Variants in TCP11X1 observed in about 807,000 individuals in gnomAD.
The protein encoded by TCP11X1 is t-complex 11 family, X-linked 1.
For missense variants in TCP11X1, 2 were observed against 15.4 expected, an observed-to-expected ratio of 0.13 and a Z score of 1.45; for synonymous variants, 2 against 6.3, an observed-to-expected ratio of 0.32 and a Z score of 1.02.
chrX:102,220,695 A>ATATATATATATATATATTTT (rs1403296641), intron 2 of TCP11X1, among the ~76,000 whole-genome samples: 1 of 16,403 alleles, frequency 6.1e-5, no homozygotes, highest in Non-Finnish European at 9.0e-5. Context: ...ATATATATAT[A>ATATATATATATATATATTTT]TTTTTTTTTT....
intron 2 of TCP11X1, among the ~76,000 whole-genome samples, chrX:102,220,695 A>ATATATTTTTT (rs1403296641): frequency 6.1e-5 from 1 of 16,403 alleles, no homozygotes; most frequent in African/African-American, 3.1e-4. Flanking sequence ...ATATATATAT[A>ATATATTTTTT]TTTTTTTTTT....
At chrX:102,220,695 A>ATTTTTTT (rs1179399956) in intron 2 of TCP11X1, among the ~76,000 whole-genome samples, 4 of 16,402 alleles carry the variant, frequency 2.4e-4, no homozygotes, top group African/African-American at 1.3e-3. Context: ...ATATATATAT[A>ATTTTTTT]TTTTTTTTTT....
intron 2 of TCP11X1, among the ~76,000 whole-genome samples, chrX:102,220,692 TA>T (rs1569467215): frequency 1.6e-4 from 4 of 24,858 alleles, no homozygotes; most frequent in African/African-American, 1.7e-4. Context: ...TATATATATA[TA>T]TATTTTTTTT....
intron 2 of TCP11X1, among the ~76,000 whole-genome samples, chrX:102,220,695 A>ATATATATAAATATATATAT (rs1403296641): frequency 6.1e-5 from 1 of 16,405 alleles, no homozygotes; most frequent in Non-Finnish European, 9.0e-5. Flanking sequence ...ATATATATAT[A>ATATATATAAATATATATAT]TTTTTTTTTT....
chrX:102,220,695 A>ATATATATATATATATATTT (rs1403296641), intron 2 of TCP11X1, among the ~76,000 whole-genome samples: 1 of 16,396 alleles, frequency 6.1e-5, no homozygotes, highest in African/African-American at 3.1e-4. Flanking sequence ...ATATATATAT[A>ATATATATATATATATATTT]TTTTTTTTTT....
chrX:102,220,695 A>ATATATATATATATATATATT (rs1403296641), intron 2 of TCP11X1, among the ~76,000 whole-genome samples: 4 of 16,396 alleles, frequency 2.4e-4, no homozygotes, highest in Non-Finnish European at 2.7e-4. Context: ...ATATATATAT[A>ATATATATATATATATATATT]TTTTTTTTTT....
chrX:102,220,695 A>ATATATATTTTTTTTTTTTTT (rs1403296641), intron 2 of TCP11X1, among the ~76,000 whole-genome samples: 1 of 16,403 alleles, frequency 6.1e-5, no homozygotes. Flanking sequence ...ATATATATAT[A>ATATATATTTTTTTTTTTTTT]TTTTTTTTTT....
At chrX:102,220,695 A>ATATATATATATATATAT (rs1403296641) in intron 2 of TCP11X1, among the ~76,000 whole-genome samples, 39 of 16,382 alleles carry the variant, frequency 2.4e-3, no homozygotes, top group African/African-American at 3.8e-3. Context: ...ATATATATAT[A>ATATATATATATATATAT]TTTTTTTTTT....
At chrX:102,223,855 C>T (rs1933728892) in exon 6 of TCP11X1, 1 of 289,792 alleles carries the variant, frequency 3.5e-6, no homozygotes, top group African/African-American at 7.3e-5. Context: ...CCTAGCTCCT[C>T]CTGCAGCATG....
chrX:102,220,761 A>G (rs1268611031), intron 2 of TCP11X1, among the ~76,000 whole-genome samples: 1 of 16,674 alleles, frequency 6.0e-5, no homozygotes, highest in Non-Finnish European at 8.4e-5. Context: ...CAGTGGCACT[A>G]TTTCGGCTCA....
intron 2 of TCP11X1, among the ~76,000 whole-genome samples, chrX:102,221,011 T>C (rs1174478464): frequency 1.2e-3 from 2 of 1,635 alleles, no homozygotes; most frequent in Non-Finnish European, 2.2e-3. Flanking sequence ...TATATTTTTT[T>C]AAAGAGAAAA....
chrX:102,220,742 G>C (rs1933724172), intron 2 of TCP11X1, among the ~76,000 whole-genome samples: 1 of 19,524 alleles, frequency 5.1e-5, no homozygotes, highest in Non-Finnish European at 7.3e-5. Flanking sequence ...CTGTCACCAG[G>C]CTGGAGTGCA....
At chrX:102,220,696 T>TA (rs1491550943) in intron 2 of TCP11X1, among the ~76,000 whole-genome samples, 153 of 8,863 alleles carry the variant, frequency 0.017, no homozygotes, top group East Asian at 0.076. Flanking sequence ...TATATATATA[T>TA]TTTTTTTTTT....
At chrX:102,220,695 A>ATATATATATATATATT (rs1403296641) in intron 2 of TCP11X1, among the ~76,000 whole-genome samples, 7 of 16,395 alleles carry the variant, frequency 4.3e-4, no homozygotes, top group African/African-American at 1.9e-3. Flanking sequence ...ATATATATAT[A>ATATATATATATATATT]TTTTTTTTTT....
Position 102,223,992 on chromosome X carries a change from A to T in TCP11X1, c.930+7A>T. ...AAACGTAGAATTCCCAGAGGTAGGG[A>T]TGTGTGTTTGGGCATTGCCTTGTTC... On this transcript the variant is annotated splice_region_variant and intron_variant, in intron 6 of 8. Coordinates refer to ENST00000622971, the Ensembl canonical transcript of TCP11X1. The T allele has an allele frequency of 2.7e-6, 1 of 372,046 alleles. No individual in the cohort carries two copies. Among genetic ancestry groups the T allele is most frequent in the East Asian group, 2.1e-4 (1 of 4,795 alleles). The allele number at this position is 372,046 out of a possible 1,213,427, so 30.7% of individuals were successfully genotyped here. A position where few individuals can be genotyped will look rare whatever the true frequency, so the allele number is the denominator to read the frequency against.
rs1491550943 is a variant in TCP11X1 at position 102,220,696 on chromosome X, T to TATATATATATATATA, written c.231-845_231-844insATATATATATATATA. Among the ~76,000 whole-genome samples, 35 of 9,056 alleles carry TATATATATATATATA rather than the reference T, an allele frequency of 3.9e-3. 1 individual carries two copies. Among genetic ancestry groups the TATATATATATATATA allele is most frequent in the Admixed American group, 8.8e-3 (4 of 457 alleles). 7.9% of individuals were successfully genotyped at this position (9,056 alleles called of 115,157 possible). ...ATATATATATATATATATATATATA[T>TATATATATATATATA]TTTTTTTTTTTTTTTTTTTGAGACC... On this transcript the variant is annotated intron_variant, in intron 2 of 8. Transcript: ENST00000622971.
intron 2 of TCP11X1, among the ~76,000 whole-genome samples, chrX:102,220,695 A>ATATATATATAT (rs1403296641): frequency 3.2e-3 from 52 of 16,386 alleles, no homozygotes; most frequent in Non-Finnish European, 4.0e-3. Flanking sequence ...ATATATATAT[A>ATATATATATAT]TTTTTTTTTT....
In TCP11X1 at chrX:102,220,670, C is replaced by CATATATAT. The variant is rs1176238420; in HGVS notation, c.231-852_231-845dup. Among the ~76,000 whole-genome samples the CATATATAT allele has an allele frequency of 8.7e-3, 263 of 30,236 alleles. 14 individuals carry two copies. Among genetic ancestry groups the CATATATAT allele is most frequent in the Admixed American group, 0.011 (17 of 1,558 alleles). 26.3% of individuals were successfully genotyped at this position (30,236 alleles called of 115,157 possible). A position where few individuals can be genotyped will look rare whatever the true frequency, so the allele number is the denominator to read the frequency against. ...GTATATATGTGTGTGTGTGTATATA[C>CATATATAT]ATATATATATATATATATATATATA... On this transcript the variant is annotated intron_variant, in intron 2 of 8. Coordinates refer to ENST00000622971, the Ensembl canonical transcript of TCP11X1.
In TCP11X1 at chrX:102,220,695, A is replaced by ATTTTTTTTTTTTTTT. The variant is rs1179399956; in HGVS notation, c.231-840_231-826dup. Among the ~76,000 whole-genome samples the ATTTTTTTTTTTTTTT allele has an allele frequency of 3.7e-4, 6 of 16,396 alleles. 1 individual carries two copies. Among genetic ancestry groups the ATTTTTTTTTTTTTTT allele is most frequent in the Non-Finnish European group, 5.4e-4 (6 of 11,100 alleles). The allele number at this position is 16,396 out of a possible 115,157, so 14.2% of individuals were successfully genotyped here. A position where few individuals can be genotyped will look rare whatever the true frequency, so the allele number is the denominator to read the frequency against. On this transcript the variant is annotated intron_variant, in intron 2 of 8. Coordinates refer to ENST00000622971, the Ensembl canonical transcript of TCP11X1. ...CATATATATATATATATATATATAT[A>ATTTTTTTTTTTTTTT]TTTTTTTTTTTTTTTTTTTTGAGAC...
Sources: gnomAD v4.1 joint callset for allele counts (sites outside exome capture counted in the v4.1 genomes callset) on GRCh38, gnomAD v4.1.1 for gene constraint, MANE v1.5 for transcripts, NCBI Gene and HGNC (gene_info 2026-07-23, HGNC 2026-07-21) for gene names.